The following PALM2AKAP2 variants were observed in gnomAD, a reference collection of about 807,000 sequenced individuals.
The protein encoded by PALM2AKAP2 is PALM2 and AKAP2 fusion, also known as PALM2-AKAP2 fusion protein.
A neutral mutation model predicts 71.5 loss-of-function variants in PALM2AKAP2; 37 were observed. The observed-to-expected ratio is 0.52, with a 90% CI of 0.40 to 0.68. PALM2AKAP2 has a LOEUF of 0.68. Among genes scored for constraint, PALM2AKAP2 ranks in the 30% least tolerant of loss-of-function variants. PALM2AKAP2 has a pLI of 0.00. For synonymous variants in PALM2AKAP2, 468 were observed against 478.8 expected (o/e 0.98, Z 0.29); for missense variants, 1,224 against 1,191.8 (o/e 1.03, Z -0.40).
chr9:109,682,198 C>T (rs1052064241), intron 1 of PALM2AKAP2, among the ~76,000 whole-genome samples: 3 of 152,180 alleles, frequency 2.0e-5, no homozygotes, highest in Non-Finnish European at 2.9e-5. Flanking sequence ...ATAATGAAGG[C>T]TGGCAGCTTA....
chr9:110,090,960 A>AT (rs34697595), intron 1 of PALM2AKAP2, among the ~76,000 whole-genome samples: 23,226 of 148,018 alleles, frequency 0.16, 2,140 homozygotes, highest in Middle Eastern at 0.27. Context: ...ATCTAGCTCA[A>AT]TTTTTTTTTT....
chr9:109,924,555 A>G (rs1370866091), intron 4 of PALM2AKAP2, among the ~76,000 whole-genome samples: 10 of 152,156 alleles, frequency 6.6e-5, no homozygotes, highest in African/African-American at 2.4e-4. Flanking sequence ...AGCTGAGATT[A>G]CGCCACTGCA....
intron 1 of PALM2AKAP2, among the ~76,000 whole-genome samples, chr9:109,729,336 A>T (rs1828520794): frequency 1.3e-5 from 2 of 152,222 alleles, no homozygotes; most frequent in Non-Finnish European, 2.9e-5. Context: ...CTAACATTTA[A>T]AACCGCTGAT....
Position 109,808,372 on chromosome 9 carries a change from G to C in PALM2AKAP2, c.45+27839G>C, listed in dbSNP as rs112421032. ...GAGACTCTTGTTATGTTTTAGCAAAGAGACTGGTGGCATTTTGCTCCTGCC... is the reference window on the plus strand; with the variant it reads ...GAGACTCTTGTTATGTTTTAGCAAACAGACTGGTGGCATTTTGCTCCTGCC... On this transcript the variant is annotated intron_variant, in intron 1 of 9. Transcript: ENST00000302798. Among the ~76,000 whole-genome samples, 679 of 152,342 alleles carry C rather than the reference G, an allele frequency of 4.5e-3. 4 individuals are homozygous for C. Among genetic ancestry groups the C allele is most frequent in the African/African-American group, 0.015 (642 of 41,570 alleles).
intron 1 of PALM2AKAP2, among the ~76,000 whole-genome samples, chr9:109,725,124 T>G (rs904417145): frequency 2.0e-5 from 3 of 152,076 alleles, no homozygotes; most frequent in African/African-American, 7.2e-5. Context: ...GAGATGTCAT[T>G]TTTCTCCCAT....
intron 1 of PALM2AKAP2, among the ~76,000 whole-genome samples, chr9:109,693,484 C>T (rs1315715721): frequency 6.6e-6 from 1 of 151,810 alleles, no homozygotes; most frequent in Non-Finnish European, 1.5e-5. Context: ...TTCCTTTCTT[C>T]CACTTACATT....
At chr9:109,849,971 C>T (rs1056066833) in intron 1 of PALM2AKAP2, among the ~76,000 whole-genome samples, 4 of 152,020 alleles carry the variant, frequency 2.6e-5, no homozygotes, top group South Asian at 2.1e-4. Context: ...CTGGTAAGAT[C>T]GTGGAAAGTT....
chr9:109,678,563 A>G (rs1032931264), intron 1 of PALM2AKAP2, among the ~76,000 whole-genome samples: 1 of 152,174 alleles, frequency 6.6e-6, no homozygotes, highest in Non-Finnish European at 1.5e-5. Flanking sequence ...GTTGGGTTTC[A>G]TTTATAATCG....
At chr9:109,984,665 T>A (rs1202592512) in intron 6 of PALM2AKAP2, among the ~76,000 whole-genome samples, 1 of 151,240 alleles carries the variant, frequency 6.6e-6, no homozygotes, top group Non-Finnish European at 1.5e-5. Flanking sequence ...GAGACCAGCC[T>A]GGGCAGCATA....
chr9:109,689,194 TCTTTTC>T (rs553604222), intron 1 of PALM2AKAP2, among the ~76,000 whole-genome samples: 4 of 110,124 alleles, frequency 3.6e-5, no homozygotes, highest in African/African-American at 1.2e-4. Flanking sequence ...CCTTCTTTTT[TCTTTTC>T]TTTTTTTTTT....
intron 6 of PALM2AKAP2, among the ~76,000 whole-genome samples, chr9:109,991,741 A>G (rs1466553429): frequency 1.3e-5 from 2 of 152,216 alleles, no homozygotes; most frequent in African/African-American, 4.8e-5. Context: ...AAACAGCTCT[A>G]TGGCTGCAGA....
chr9:109,876,950 G>A (rs756969738), intron 2 of PALM2AKAP2, among the ~76,000 whole-genome samples: 5 of 152,178 alleles, frequency 3.3e-5, no homozygotes, highest in Non-Finnish European at 7.3e-5. Context: ...GATGGTGGCA[G>A]CTAAGTTGGT....
chr9:109,792,793 C>T (rs1369318515), intron 1 of PALM2AKAP2, among the ~76,000 whole-genome samples: 1 of 152,104 alleles, frequency 6.6e-6, no homozygotes, highest in Non-Finnish European at 1.5e-5. Context: ...CTATCCCCTA[C>T]TAGGGTTGTT....
chr9:110,161,765 A>G (rs1359912897), intron 3 of PALM2AKAP2, among the ~76,000 whole-genome samples: 1 of 152,062 alleles, frequency 6.6e-6, no homozygotes, highest in Non-Finnish European at 1.5e-5. Flanking sequence ...GCCCCCAACG[A>G]CCTTGCTGGT....
chr9:110,162,283 G>T, intron 3 of PALM2AKAP2, 151 bp downstream of exon 10: 1 of 1,215,754 alleles, frequency 8.2e-7, no homozygotes, highest in East Asian at 2.4e-5. Flanking sequence ...CTGAAATATG[G>T]GACTGCCTCG....
At chr9:109,823,446 C>T (rs1564165205) in intron 1 of PALM2AKAP2, among the ~76,000 whole-genome samples, 1 of 152,176 alleles carries the variant, frequency 6.6e-6, no homozygotes, top group African/African-American at 2.4e-5. Context: ...CTTAGCCTGT[C>T]TGAGTCTTTA....
chr9:109,895,444 T>A (rs935436705), intron 3 of PALM2AKAP2, among the ~76,000 whole-genome samples: 2 of 152,204 alleles, frequency 1.3e-5, no homozygotes, highest in African/African-American at 4.8e-5. Context: ...AGATTTGCTC[T>A]CTCTCGGGAC....
At chr9:109,897,968 G>A (rs1229897455) in intron 3 of PALM2AKAP2, among the ~76,000 whole-genome samples, 2 of 152,172 alleles carry the variant, frequency 1.3e-5, no homozygotes, top group Non-Finnish European at 2.9e-5. Flanking sequence ...TTTATCACCA[G>A]TGTATGAGGA....
At chr9:109,770,746 G>C (rs75198209) in intron 1 of PALM2AKAP2, among the ~76,000 whole-genome samples, 2 of 152,144 alleles carry the variant, frequency 1.3e-5, no homozygotes, top group Non-Finnish European at 2.9e-5. Context: ...TGGAACACAG[G>C]CATGTAGAAA....
Sources: gnomAD v4.1 joint callset for allele counts (sites outside exome capture counted in the v4.1 genomes callset) on GRCh38, gnomAD v4.1.1 for gene constraint, MANE v1.5 for transcripts, NCBI Gene and HGNC (gene_info 2026-07-23, HGNC 2026-07-21) for gene names.